The following ALK variants were observed in gnomAD, a reference collection of about 807,000 sequenced individuals.
ALK encodes ALK receptor tyrosine kinase.
In ALK, 74 loss-of-function variants were observed where a neutral mutation model predicts 163.1. The ratio of observed to expected loss-of-function variants is 0.45; its 90% CI spans 0.38 to 0.55. The LOEUF is 0.55. Ranked by LOEUF, ALK falls within the 20% of genes least tolerant of loss-of-function variation. The probability of loss-of-function intolerance (pLI) is 0.00; values close to 1 mark genes in which losing one functional copy is unlikely to be tolerated. For synonymous variants in ALK, 960 were observed against 843.2 expected (o/e 1.14, Z -2.40); for missense variants, 2,063 against 2,105.3 (o/e 0.98, Z 0.39).
chr2:29,911,799 G>T (rs1306395319), intron 1 of ALK, among the ~76,000 whole-genome samples: 1 of 152,154 alleles, frequency 6.6e-6, no homozygotes, highest in African/African-American at 2.4e-5. Context: ...TAAGAGGAAA[G>T]ATATCATATG....
chr2:29,365,900 T>C (rs1198742539), intron 5 of ALK, among the ~76,000 whole-genome samples: 1 of 152,174 alleles, frequency 6.6e-6, no homozygotes, highest in Non-Finnish European at 1.5e-5. Flanking sequence ...ATTATGACAA[T>C]TACGACTCAA....
At chr2:29,324,723 A>G (rs1031349110) in intron 6 of ALK, among the ~76,000 whole-genome samples, 3 of 152,196 alleles carry the variant, frequency 2.0e-5, no homozygotes, top group Non-Finnish European at 4.4e-5. Context: ...CAGAACGCAG[A>G]GAGAGTCACG....
At chr2:29,646,527 A>C (rs13398690) in intron 3 of ALK, among the ~76,000 whole-genome samples, 16,067 of 152,150 alleles carry the variant, frequency 0.11, 1,579 homozygotes, top group African/African-American at 0.26. Context: ...CAAAGTCCTT[A>C]TGATGTTTCC....
At chr2:29,497,266 C>T (rs1043494016) in intron 4 of ALK, among the ~76,000 whole-genome samples, 2 of 137,260 alleles carry the variant, frequency 1.5e-5, no homozygotes, top group African/African-American at 5.4e-5. Context: ...GAGTGAAACT[C>T]CATCTCAAAA....
At chr2:29,846,260 T>C (rs567473204) in intron 1 of ALK, among the ~76,000 whole-genome samples, 26 of 152,348 alleles carry the variant, frequency 1.7e-4, no homozygotes, top group African/African-American at 6.0e-4. Context: ...CCCCCCCACC[T>C]GACCGCATAG....
At chr2:29,216,934 G>GGGCATGTGTGTT in intron 23 of ALK, among the ~76,000 whole-genome samples, 1 of 9,444 alleles carries the variant, frequency 1.1e-4, no homozygotes, top group African/African-American at 2.9e-4. Context: ...GTGTGTGGGG[G>GGGCATGTGTGTT]GTGTGTGTGT....
chr2:29,458,840 T>C (rs1286395221), intron 4 of ALK, among the ~76,000 whole-genome samples: 2 of 152,152 alleles, frequency 1.3e-5, no homozygotes, highest in Non-Finnish European at 2.9e-5. Context: ...CAGCTACCAG[T>C]CAGCAACCTG....
chr2:29,211,566 G>A (rs961470131), intron 24 of ALK, among the ~76,000 whole-genome samples: 8 of 152,186 alleles, frequency 5.3e-5, no homozygotes, highest in African/African-American at 1.9e-4. Flanking sequence ...ATGGAAGCAT[G>A]TGGATCTGGT....
chr2:29,686,443 G>C (rs1558441870), intron 3 of ALK, among the ~76,000 whole-genome samples: 1 of 152,180 alleles, frequency 6.6e-6, no homozygotes, highest in East Asian at 1.9e-4. Flanking sequence ...TGCCTCACAG[G>C]TTTTATGCCA....
intron 1 of ALK, among the ~76,000 whole-genome samples, chr2:29,871,682 A>G (rs2148412679): frequency 1.3e-5 from 2 of 152,258 alleles, no homozygotes; most frequent in South Asian, 4.1e-4. Flanking sequence ...GGTTGCTACT[A>G]ATATCACATG....
chr2:29,360,645 T>C (rs1303499762), intron 5 of ALK, among the ~76,000 whole-genome samples: 9 of 152,008 alleles, frequency 5.9e-5, no homozygotes, highest in African/African-American at 2.2e-4. Flanking sequence ...CCTCAAAGAG[T>C]TGCAGTCTTA....
At chr2:29,237,924 C>T (rs1472234165) in intron 13 of ALK, among the ~76,000 whole-genome samples, 1 of 152,212 alleles carries the variant, frequency 6.6e-6, no homozygotes, top group African/African-American at 2.4e-5. Flanking sequence ...ATTACCTGCT[C>T]CAAAATGCCA....
At chr2:29,597,090 T>C (rs1199974512) in intron 3 of ALK, among the ~76,000 whole-genome samples, 1 of 152,116 alleles carries the variant, frequency 6.6e-6, no homozygotes, top group African/African-American at 2.4e-5. Context: ...AAAATAGCAC[T>C]CCCTCAGAGG....
intron 4 of ALK, among the ~76,000 whole-genome samples, chr2:29,508,264 G>A (rs1408801106): frequency 7.2e-5 from 11 of 152,144 alleles, no homozygotes; most frequent in Non-Finnish European, 1.5e-5. Flanking sequence ...TTTCCTTTCT[G>A]ACTCCTGCTA....
intron 3 of ALK, among the ~76,000 whole-genome samples, chr2:29,619,619 CG>C (rs924728774): frequency 6.6e-6 from 1 of 152,184 alleles, no homozygotes; most frequent in Non-Finnish European, 1.5e-5. Flanking sequence ...CTGACTTACA[CG>C]GGCTTTGTGG....
At chr2:29,785,080 A>T (rs1663974048) in intron 1 of ALK, among the ~76,000 whole-genome samples, 1 of 152,266 alleles carries the variant, frequency 6.6e-6, no homozygotes, top group East Asian at 1.9e-4. Flanking sequence ...AAAAAGAGGG[A>T]CAAGTACTGG....
At chr2:29,897,607 G>A (rs563806827) in intron 1 of ALK, among the ~76,000 whole-genome samples, 1 of 152,260 alleles carries the variant, frequency 6.6e-6, no homozygotes, top group Non-Finnish European at 1.5e-5. Flanking sequence ...GTGGCACTGT[G>A]AGACAGGGTG....
chr2:29,541,405 G>A (rs913153545), intron 3 of ALK, among the ~76,000 whole-genome samples: 1 of 152,122 alleles, frequency 6.6e-6, no homozygotes, highest in Admixed American at 6.5e-5. Context: ...CAATTCTCCT[G>A]CCTCAGCCTC....
chr2:29,380,527 T>A (rs1438043171), intron 5 of ALK, among the ~76,000 whole-genome samples: 2 of 152,092 alleles, frequency 1.3e-5, no homozygotes, highest in Non-Finnish European at 2.9e-5. Context: ...CAAGCGATTC[T>A]CCTGCCTCAG....
Sources: allele counts gnomAD v4.1 joint callset (sites outside exome capture counted in the v4.1 genomes callset), GRCh38; gene constraint gnomAD v4.1.1; transcripts MANE v1.5; gene names NCBI Gene and HGNC (gene_info 2026-07-23, HGNC 2026-07-21).